TMC3: variants seen among roughly 807,000 people sequenced by gnomAD.
TMC3 encodes the protein transmembrane channel like 3.
In TMC3, 98 loss-of-function variants were observed where a neutral mutation model predicts 110.6. The observed-to-expected ratio is 0.89, with a 90% CI of 0.75 to 1.05. The LOEUF (loss-of-function observed/expected upper bound fraction) is 1.05. TMC3 is among the 50% of genes least tolerant of loss of function. The pLI is 0.00. For synonymous variants in TMC3, 489 were observed against 513.1 expected, an observed-to-expected ratio of 0.95 and a Z score of 0.63; for missense variants, 1,319 against 1,373.2, an observed-to-expected ratio of 0.96 and a Z score of 0.62.
intron 19 of TMC3, 148 bp from the exon 20 acceptor site, chr15:81,336,799 G>A: frequency 1.2e-6 from 1 of 800,310 alleles, no homozygotes; most frequent in South Asian, 1.6e-5. Context: ...TGGACGGTAT[G>A]CTCTGGGCTC....
rs375243233 is a variant in TMC3 at position 81,343,330 on chromosome 15, A to G, written c.1663T>C (p.Phe555Leu). Residue 555 changes from phenylalanine (F) to leucine (L), a missense_variant, in exon 15 of 22, where the codon TTC (phenylalanine) becomes CTC (leucine). Phe to Leu is a conservative substitution (Grantham distance 22). Transcript: ENST00000359440. ...TGTAGCACATTCTCAGCTATTTTGA[A>G]TTCTCCATATTCAGGCTACAAGAGA... Reference protein sequence around the residue: ...LESKFPEYGEFKIAENVLHLV... With the variant: ...LESKFPEYGELKIAENVLHLV... 7.0e-5 allele frequency: 112 copies of G among 1,608,222 alleles called. No homozygotes were observed. The highest frequency in any genetic ancestry group is 8.7e-5 in the Non-Finnish European group (102 of 1,174,776).
At chr15:81,348,697 G>A (rs184451645) in intron 11 of TMC3, among the ~76,000 whole-genome samples, 18 of 152,276 alleles carry the variant, frequency 1.2e-4, no homozygotes, top group African/African-American at 2.2e-4. Flanking sequence ...TTCTTCTTGC[G>A]TCTGGAAAAA....
intron 2 of TMC3, among the ~76,000 whole-genome samples, chr15:81,372,109 CTT>C (rs201939813): frequency 1.3e-3 from 186 of 145,456 alleles, no homozygotes; most frequent in Middle Eastern, 7.0e-3. Context: ...CCTATAAAGT[CTT>C]TTTTTTTTTA....
At position 81,358,470 on chromosome 15, in the gene TMC3, C is replaced by A; in HGVS notation, c.532G>T (p.Ala178Ser). 1 of 1,613,206 alleles carries A rather than the reference C, an allele frequency of 6.2e-7. No individual in the cohort carries two copies. Among genetic ancestry groups the A allele is most frequent in the Non-Finnish European group, 8.5e-7 (1 of 1,179,502 alleles). Residue 178 changes from alanine to serine, a missense_variant, in exon 6 of 22, where the codon GCC becomes TCC. Ala to Ser is a moderately conservative substitution (Grantham distance 99, BLOSUM62 1). Coordinates refer to ENST00000359440, the MANE Select transcript of TMC3 (RefSeq NM_001080532.3). ...LIAGQPFGSTARKTIPKEQVS... is the reference protein window; with the variant it reads ...LIAGQPFGSTSRKTIPKEQVS... ...TGCTCCTTGGGGATGGTCTTCCTGG[C>A]TGTGCTTCCAAAGGGCTGGCCTGCA...
At position 81,344,909 on chromosome 15, in the gene TMC3, C is replaced by T. The variant is rs370988614; in HGVS notation, c.1375G>A (p.Gly459Arg). The change falls in exon 13 of 22, where the codon GGA (glycine) becomes AGA (arginine). Residue 459 changes from glycine (G) to arginine (R), a missense_variant. Gly to Arg is a moderately radical substitution (Grantham distance 125, BLOSUM62 -2). Transcript: ENST00000359440. ...GTGTTGTTTCTCCTGAGCCCCATTC[C>T]AGGCCGAGATGTGGACCATTTCTCT... ...EEEKWSTSRP[G>R]MGLRRNNTWA... is the part of the protein sequence containing the mutation. 2.8e-5 allele frequency: 45 copies of T among 1,613,792 alleles called. No individual in the cohort carries two copies. Among genetic ancestry groups the T allele is most frequent in the Admixed American group, 1.0e-4 (6 of 59,982 alleles).
In TMC3 at chr15:81,344,062, C is replaced by A; in HGVS notation, c.1519-17G>T. ...CAGCATCTCCTGAAACACAGGGCGT[C>A]CCTGGATGCCACCATGCCCCACCCT... On this transcript the variant is annotated splice_polypyrimidine_tract_variant and intron_variant, in intron 13 of 21. Coordinates refer to ENST00000359440, the MANE Select transcript of TMC3 (RefSeq NM_001080532.3). The A allele has an allele frequency of 6.2e-7, 1 of 1,600,620 alleles. No homozygotes were observed. The highest frequency in any genetic ancestry group is 8.5e-7 in the Non-Finnish European group (1 of 1,175,540).
At chr15:81,352,170 A>G (rs1893966108) in intron 9 of TMC3, among the ~76,000 whole-genome samples, 1 of 152,222 alleles carries the variant, frequency 6.6e-6, no homozygotes, top group Non-Finnish European at 1.5e-5. Flanking sequence ...TGTGGTATGC[A>G]CATTAAAGAT....
chr15:81,360,972 CTTT>C (rs59270312), intron 4 of TMC3, among the ~76,000 whole-genome samples: 3 of 134,152 alleles, frequency 2.2e-5, no homozygotes, highest in African/African-American at 2.7e-5. Flanking sequence ...ACGGTTTTCT[CTTT>C]TTTTTTTTTT....
chr15:81,372,248 T>G (rs111333637), intron 2 of TMC3, among the ~76,000 whole-genome samples: 3,257 of 151,854 alleles, frequency 0.021, 45 homozygotes, highest in Non-Finnish European at 0.033. Flanking sequence ...ATCTAGTGTT[T>G]AGAAAGGAGG....
Position 81,333,211 on chromosome 15 carries a change from C to T in TMC3, c.2511G>A (p.Ser837=), listed in dbSNP as rs530749986. The T allele has an allele frequency of 1.5e-5, 25 of 1,613,788 alleles. No homozygotes were observed. Among genetic ancestry groups the T allele is most frequent in the South Asian group, 1.2e-4 (11 of 91,072 alleles). The part of the protein sequence containing the change: ...ASTSDLHRNR[S]RTPMTFTTHI... Reference sequence around the variant, plus strand: ...GCGTTGTAAATGTCATAGGTGTGCGCGATCTGTTCCTGTGAAGGTCACTGG... The same window carrying T: ...GCGTTGTAAATGTCATAGGTGTGCGTGATCTGTTCCTGTGAAGGTCACTGG... The change falls in exon 22 of 22, where the codon TCG becomes TCA. Residue 837 remains serine, a synonymous_variant. Coordinates refer to ENST00000359440, the MANE Select transcript of TMC3 (RefSeq NM_001080532.3).
intron 10 of TMC3, among the ~76,000 whole-genome samples, chr15:81,350,004 T>G (rs1208990256): frequency 6.7e-6 from 1 of 149,122 alleles, no homozygotes; most frequent in South Asian, 2.1e-4. Context: ...CCCAACTCAT[T>G]GGGAGGCTGA....
Position 81,374,072 on chromosome 15 carries a change from T to C in TMC3, c.6A>G (p.Lys2=). The part of the protein sequence containing the change: M[K]TSKASQRYRG... Reference sequence around the variant, plus strand: ...TATAGCGCTGGGATGCCTTCGAGGTTTTCATGGGAGCTAACCCACTGCTAA... The same window carrying C: ...TATAGCGCTGGGATGCCTTCGAGGTCTTCATGGGAGCTAACCCACTGCTAA... The change falls in exon 1 of 22, where the codon AAA becomes AAG. Residue 2 remains lysine, a synonymous_variant. Transcript: ENST00000359440. 2 of 1,613,562 alleles carry C rather than the reference T, an allele frequency of 1.2e-6. No individual in the cohort carries two copies. Among genetic ancestry groups the C allele is most frequent in the Non-Finnish European group, 1.7e-6 (2 of 1,179,730 alleles).
At chr15:81,336,536 C>G in intron 20 of TMC3, 73 bp downstream of exon 20, 1 of 1,488,464 alleles carries the variant, frequency 6.7e-7, no homozygotes, top group Non-Finnish European at 9.3e-7. Flanking sequence ...CCACTGCACT[C>G]CAGCCTGGGC....
At chr15:81,339,273 G>T in intron 17 of TMC3, 121 bp downstream of exon 17, 2 of 754,652 alleles carry the variant, frequency 2.7e-6, no homozygotes, top group South Asian at 1.7e-5. Context: ...AAAACATGCG[G>T]GTTTGCAATC....
chr15:81,359,671 G>A (rs1319428145), intron 4 of TMC3, among the ~76,000 whole-genome samples, 200 bp from the exon 5 acceptor site: 2 of 152,088 alleles, frequency 1.3e-5, no homozygotes, highest in Non-Finnish European at 2.9e-5. Context: ...AGTTCTATAG[G>A]CAGGAAAAGT....
intron 9 of TMC3, among the ~76,000 whole-genome samples, chr15:81,352,518 TAATG>T (rs990208931): frequency 9.9e-5 from 15 of 152,272 alleles, no homozygotes; most frequent in African/African-American, 3.1e-4. Flanking sequence ...ACATATTTGA[TAATG>T]AATTAAATGA....
rs762368467 is a variant in TMC3 at position 81,368,247 on chromosome 15, T to C, written c.312+6A>G. On this transcript the variant is annotated splice_donor_region_variant and intron_variant, in intron 3 of 21. Transcript: ENST00000359440. Reference sequence around the variant, plus strand: ...CGCGCCCAGCCACATGTGTGTTCTGTATTACCTCTGCACCTGCTGCTTGGT... The same window carrying C: ...CGCGCCCAGCCACATGTGTGTTCTGCATTACCTCTGCACCTGCTGCTTGGT... The C allele has an allele frequency of 1.2e-6, 2 of 1,612,486 alleles. No homozygotes were observed. Among genetic ancestry groups the C allele is most frequent in the South Asian group, 2.2e-5 (2 of 91,050 alleles).
intron 7 of TMC3, 28 bp from the exon 8 acceptor site, chr15:81,356,622 T>G: frequency 1.3e-6 from 2 of 1,572,142 alleles, no homozygotes; most frequent in Non-Finnish European, 1.7e-6. Context: ...AAACAGGTCT[T>G]GGGAGTCTCA....
Position 81,362,101 on chromosome 15 carries a change from T to C in TMC3, c.394+119A>G, listed in dbSNP as rs1347092266. 6 of 800,742 alleles carry C rather than the reference T, an allele frequency of 7.5e-6. No homozygotes were observed. In the East Asian group the frequency reaches 1.2e-4, roughly 15 times the overall value. 49.6% of individuals were successfully genotyped at this position (800,742 alleles called of 1,614,324 possible). A position where few individuals can be genotyped will look rare whatever the true frequency, so the allele number is the denominator to read the frequency against. The stretch of plus-strand genomic sequence containing the variant: ...TGTTCCATATGGAGGCCAGTGACTC[T>C]GCTATGAGGGTGCCCTCAGCTGCAC... On this transcript the variant is annotated intron_variant, in intron 4 of 21. Coordinates refer to ENST00000359440, the MANE Select transcript of TMC3 (RefSeq NM_001080532.3).
Sources: allele counts gnomAD v4.1 joint callset (sites outside exome capture counted in the v4.1 genomes callset), GRCh38; gene constraint gnomAD v4.1.1; transcripts MANE v1.5; gene names NCBI Gene and HGNC (gene_info 2026-07-23, HGNC 2026-07-21).